RABGAP1L: variants seen among roughly 807,000 people sequenced by gnomAD.
The protein encoded by RABGAP1L is rab GTPase-activating protein 1-like.
RABGAP1L carries 63 observed loss-of-function variants against 137.7 expected under a neutral mutation model. The observed-to-expected ratio is 0.46, with a 90% CI of 0.37 to 0.56. The LOEUF (loss-of-function observed/expected upper bound fraction) is 0.56, where lower values mean the gene tolerates loss of function less well. Among genes scored for constraint, RABGAP1L ranks in the 20% least tolerant of loss-of-function variants. The pLI is 0.00. For missense variants in RABGAP1L, 1,095 were observed against 1,244.0 expected (o/e 0.88, Z 1.80); for synonymous variants, 431 against 433.7 (o/e 0.99, Z 0.08).
chr1:174,197,622 AAC>A (rs1377143726), intron 1 of RABGAP1L, among the ~76,000 whole-genome samples: 2 of 152,090 alleles, frequency 1.3e-5, no homozygotes, highest in African/African-American at 2.4e-5. Flanking sequence ...AACATGGTGA[AAC>A]CCTGTCTGTA....
At chr1:174,296,168 G>A (rs1677113327) in intron 10 of RABGAP1L, among the ~76,000 whole-genome samples, 1 of 152,186 alleles carries the variant, frequency 6.6e-6, no homozygotes. Flanking sequence ...ATCAGTTACT[G>A]CAAGGAGCTT....
At chr1:174,371,111 C>CATCAACTATGTAAAT in intron 12 of RABGAP1L, 39 bp downstream of exon 12, 1 of 1,147,014 alleles carries the variant, frequency 8.7e-7, no homozygotes, top group Non-Finnish European at 1.3e-6. Context: ...TCTATATTTA[C>CATCAACTATGTAAAT]ATAGTTGATG....
At position 174,463,819 on chromosome 1, in the gene RABGAP1L, T is replaced by A. The variant is rs533486760; in HGVS notation, c.1710+69674T>A. Among the ~76,000 whole-genome samples the A allele has an allele frequency of 3.7e-3, 562 of 151,538 alleles. 7 individuals are homozygous for A. The highest frequency in any genetic ancestry group is 0.013 in the African/African-American group (535 of 41,218). On this transcript the variant is annotated intron_variant, in intron 13 of 25. Coordinates refer to ENST00000681986, the MANE Select transcript of RABGAP1L (RefSeq NM_001366446.1). ...TATTACTAAAAAGTAAAAAAAATAA[T>A]AATAATAACAGATGTTGGTGAGGTT...
chr1:174,608,937 A>G (rs1302702333), intron 13 of RABGAP1L, among the ~76,000 whole-genome samples: 2 of 152,230 alleles, frequency 1.3e-5, no homozygotes, highest in South Asian at 4.1e-4. Flanking sequence ...CTACTTAGAC[A>G]ATATATTGAA....
chr1:174,919,805 A>G (rs902846263), intron 19 of RABGAP1L, among the ~76,000 whole-genome samples: 1 of 152,202 alleles, frequency 6.6e-6, no homozygotes, highest in African/African-American at 2.4e-5. Flanking sequence ...GCAGTGAGCT[A>G]TGATCATGCC....
intron 18 of RABGAP1L, among the ~76,000 whole-genome samples, chr1:174,772,326 C>T (rs1686179100): frequency 6.6e-6 from 1 of 151,732 alleles, no homozygotes; most frequent in Admixed American, 6.6e-5. Context: ...GCCTGTAATC[C>T]CAGCACTTTG....
chr1:174,258,771 C>T (rs1015683820), intron 7 of RABGAP1L, among the ~76,000 whole-genome samples: 5 of 149,710 alleles, frequency 3.3e-5, no homozygotes, highest in Non-Finnish European at 7.5e-5. Context: ...TATCAACATT[C>T]TGGGTTTTTT....
intron 12 of RABGAP1L, among the ~76,000 whole-genome samples, chr1:174,377,779 TTTATTA>T (rs564468867): frequency 1.4e-4 from 21 of 151,554 alleles, no homozygotes; most frequent in Middle Eastern, 3.4e-3. Flanking sequence ...TTTTTAAGAT[TTTATTA>T]TTATTATTTT....
intron 11 of RABGAP1L, among the ~76,000 whole-genome samples, chr1:174,319,067 C>T (rs1040449549): frequency 2.0e-5 from 3 of 151,908 alleles, no homozygotes; most frequent in East Asian, 1.9e-4. Context: ...TTTGTACTTA[C>T]TTTTTTCAGT....
At chr1:174,357,440 G>T (rs184403213) in intron 11 of RABGAP1L, among the ~76,000 whole-genome samples, 101 of 152,112 alleles carry the variant, frequency 6.6e-4, no homozygotes, top group African/African-American at 2.2e-3. Flanking sequence ...TTTCACATTC[G>T]AGTGTCATGT....
chr1:174,284,620 A>G (rs1362812297), intron 10 of RABGAP1L, among the ~76,000 whole-genome samples: 6 of 149,336 alleles, frequency 4.0e-5, no homozygotes, highest in Non-Finnish European at 8.9e-5. Flanking sequence ...TGGTAGCTCT[A>G]TTTTTAATTT....
chr1:174,211,736 A>G (rs1033662262), intron 1 of RABGAP1L, among the ~76,000 whole-genome samples: 2 of 152,286 alleles, frequency 1.3e-5, no homozygotes, highest in Admixed American at 1.3e-4. Flanking sequence ...TACATGAAAC[A>G]TACTTTACCT....
chr1:174,534,801 A>AT (rs1175596592), intron 13 of RABGAP1L, among the ~76,000 whole-genome samples: 167 of 144,632 alleles, frequency 1.2e-3, no homozygotes, highest in Middle Eastern at 3.4e-3. Context: ...AAAAAAAAAA[A>AT]AAATAATTAG....
rs1652385749 is a variant in RABGAP1L, at chr1:174,872,626, A to G, written c.2340+60666A>G. On this transcript the variant is annotated intron_variant, in intron 19 of 25. Transcript: ENST00000681986. Reference sequence around the variant, plus strand: ...ACCCAGGCTGGAGTGTAGTGGCACAATTGCAGTTCACTGTAGCCTGAACCT... The same window carrying G: ...ACCCAGGCTGGAGTGTAGTGGCACAGTTGCAGTTCACTGTAGCCTGAACCT... 2.0e-5 allele frequency among the ~76,000 whole-genome samples: 3 copies of G among 151,668 alleles called. 1 individual carries two copies. Among genetic ancestry groups the G allele is most frequent in the Admixed American group, 2.0e-4 (3 of 15,204 alleles).
In RABGAP1L at chr1:174,855,189, C is replaced by T. The variant is rs940739859; in HGVS notation, c.2340+43229C>T. On this transcript the variant is annotated intron_variant, in intron 19 of 25. Transcript: ENST00000681986. Reference sequence around the variant, plus strand: ...TGTAGGAAGTCAAATTACCATTGAGCGTAGGTCATATATTCTAGTAGTAGA... The same window carrying T: ...TGTAGGAAGTCAAATTACCATTGAGTGTAGGTCATATATTCTAGTAGTAGA... Among the ~76,000 whole-genome samples the T allele has an allele frequency of 1.4e-4, 22 of 152,208 alleles. 1 individual carries two copies. Among genetic ancestry groups the T allele is most frequent in the Admixed American group, 1.3e-3 (20 of 15,284 alleles).
chr1:174,915,929 C>T (rs1386842145), intron 19 of RABGAP1L, among the ~76,000 whole-genome samples: 1 of 152,042 alleles, frequency 6.6e-6, no homozygotes, highest in Non-Finnish European at 1.5e-5. Flanking sequence ...ATAACTTAGC[C>T]ATTTTTTTCT....
chr1:174,947,775 C>T (rs990377498), intron 19 of RABGAP1L, among the ~76,000 whole-genome samples: 1 of 152,170 alleles, frequency 6.6e-6, no homozygotes, highest in Admixed American at 6.5e-5. Flanking sequence ...AACTGCTGTT[C>T]AAATAATTGT....
intron 13 of RABGAP1L, 43 bp downstream of exon 13, chr1:174,394,188 A>G (rs975733099): frequency 1.9e-6 from 3 of 1,589,344 alleles, no homozygotes; most frequent in Non-Finnish European, 1.7e-6. Context: ...TGGATGACCT[A>G]TTAAATAAAT....
chr1:174,868,726 A>G (rs1651703178), intron 19 of RABGAP1L, among the ~76,000 whole-genome samples: 1 of 152,016 alleles, frequency 6.6e-6, no homozygotes, highest in African/African-American at 2.4e-5. Context: ...GAGGTAATTG[A>G]TTAAATTCTG....
Sources: allele counts gnomAD v4.1 joint callset (sites outside exome capture counted in the v4.1 genomes callset), GRCh38; gene constraint gnomAD v4.1.1; transcripts MANE v1.5; gene names NCBI Gene and HGNC (gene_info 2026-07-23, HGNC 2026-07-21).